Variants in SKI observed in about 807,000 individuals in gnomAD.
The protein encoded by SKI is SKI proto-oncogene, also known as ski oncogene.
SKI carries 23 observed loss-of-function variants against 59.3 expected under a neutral mutation model. That is an observed-to-expected ratio of 0.39 (90% CI 0.28 to 0.55). The LOEUF is 0.55. SKI is among the 20% of genes least tolerant of loss of function. The pLI, the probability that SKI is intolerant of heterozygous loss-of-function variation, is 0.67. For synonymous variants in SKI, 673 were observed against 488.6 expected, an observed-to-expected ratio of 1.38 and a Z score of -4.98; for missense variants, 1,017 against 1,038.9, an observed-to-expected ratio of 0.98 and a Z score of 0.29.
intron 1 of SKI, among the ~76,000 whole-genome samples, chr1:2,247,631 G>A (rs555631768): frequency 6.6e-6 from 1 of 152,220 alleles, no homozygotes; most frequent in East Asian, 1.9e-4. Flanking sequence ...CACCAGGCAA[G>A]AAGTATGTAC....
chr1:2,287,340 T>TTC (rs1640060154), intron 1 of SKI, among the ~76,000 whole-genome samples: 2 of 149,014 alleles, frequency 1.3e-5, no homozygotes, highest in African/African-American at 4.9e-5. Context: ...AATATCCAAT[T>TTC]TTTTTTTTTT....
rs537423092 is a variant in SKI, at chr1:2,268,771, C to A, written c.970-34207C>A. Among the ~76,000 whole-genome samples the A allele has an allele frequency of 7.2e-5, 11 of 152,302 alleles. No individual in the cohort carries two copies. The highest frequency in any genetic ancestry group is 2.6e-4 in the African/African-American group (11 of 41,566). ...GCCATGACAGGAGTGGGTGTGGGGA[C>A]TGGTGGGGACAGCGACTGTGCCTTC... On this transcript the variant is annotated intron_variant, in intron 1 of 6. Coordinates refer to ENST00000378536, the MANE Select transcript of SKI (RefSeq NM_003036.4). The surrounding 1 kb of genome is among the most constrained non-coding windows in gnomAD (Gnocchi z 5.0).
At chr1:2,276,207 C>A (rs1229013317) in intron 1 of SKI, among the ~76,000 whole-genome samples, 2 of 152,030 alleles carry the variant, frequency 1.3e-5, no homozygotes, top group South Asian at 2.1e-4. Flanking sequence ...CTCCCCACCC[C>A]CCGACCCCCA....
At chr1:2,261,950 G>A (rs908937215) in intron 1 of SKI, among the ~76,000 whole-genome samples, 1 of 111,842 alleles carries the variant, frequency 8.9e-6, no homozygotes, top group Admixed American at 1.1e-4. Flanking sequence ...CCTCGCTCCT[G>A]ATCTCCTGAT....
In SKI at chr1:2,306,088, G is replaced by A; in HGVS notation, c.1836G>A (p.Leu612=). 6.2e-7 allele frequency: 1 copy of A among 1,602,418 alleles called. No homozygotes were observed. Among genetic ancestry groups the A allele is most frequent in the Non-Finnish European group, 8.5e-7 (1 of 1,175,908 alleles). The part of the protein sequence containing the change: ...LREATEAKRN[L]RKEIERLRAE... ...AGGCCACGGAGGCCAAGCGTAACCT[G>A]CGGAAGGAGATCGAGCGTCTCCGCG... Residue 612 remains leucine, a synonymous_variant, in exon 6 of 7, where the codon CTG becomes CTA. Coordinates refer to ENST00000378536, the MANE Select transcript of SKI (RefSeq NM_003036.4).
chr1:2,282,226 C>T (rs867246026), intron 1 of SKI, among the ~76,000 whole-genome samples: 84 of 1,954 alleles, frequency 0.043, no homozygotes, highest in Admixed American at 0.054. Flanking sequence ...CAGGCGGTGG[C>T]GGAGATCTTC....
chr1:2,237,226 G>C (rs1638767378), intron 1 of SKI, among the ~76,000 whole-genome samples: 1 of 152,176 alleles, frequency 6.6e-6, no homozygotes, highest in Admixed American at 6.5e-5. Flanking sequence ...AGTGGGTGAG[G>C]GGTGGTGGGA....
At chr1:2,277,782 C>A (rs915081809) in intron 1 of SKI, among the ~76,000 whole-genome samples, 4 of 146,446 alleles carry the variant, frequency 2.7e-5, no homozygotes, top group Non-Finnish European at 3.0e-5. Flanking sequence ...CGTGCACACA[C>A]GTCAGCACCG....
intron 1 of SKI, among the ~76,000 whole-genome samples, chr1:2,231,523 G>C (rs1422648778): frequency 6.6e-6 from 1 of 152,212 alleles, no homozygotes; most frequent in Admixed American, 6.5e-5. Flanking sequence ...TGTGAGCGCC[G>C]GGGTCCTTGG....
chr1:2,277,652 G>A (rs947803097), intron 1 of SKI, among the ~76,000 whole-genome samples: 1 of 152,020 alleles, frequency 6.6e-6, no homozygotes, highest in Non-Finnish European at 1.5e-5. Context: ...CGTCAGCACT[G>A]TGGGCGCACA....
chr1:2,277,866 C>T (rs1329977430), intron 1 of SKI, among the ~76,000 whole-genome samples: 2 of 151,978 alleles, frequency 1.3e-5, no homozygotes, highest in Non-Finnish European at 2.9e-5. Flanking sequence ...CGTGCACACA[C>T]ACATCAGCAC....
intron 1 of SKI, among the ~76,000 whole-genome samples, chr1:2,245,998 G>A (rs1479126694): frequency 1.3e-5 from 2 of 151,580 alleles, no homozygotes; most frequent in African/African-American, 2.4e-5. Flanking sequence ...GTTTCGCCAC[G>A]TTGGCCAGGC....
In SKI at chr1:2,251,746, C is replaced by T. The variant is rs569703821; in HGVS notation, c.969+22011C>T. Among the ~76,000 whole-genome samples, 6 of 152,340 alleles carry T rather than the reference C, an allele frequency of 3.9e-5. 1 individual carries two copies. Among genetic ancestry groups the T allele is most frequent in the Admixed American group, 2.6e-4 (4 of 15,312 alleles). On this transcript the variant is annotated intron_variant, in intron 1 of 6. Coordinates refer to ENST00000378536, the MANE Select transcript of SKI (RefSeq NM_003036.4). The stretch of plus-strand genomic sequence containing the variant: ...TCTCAGCTGTGAAATTGTGTTTGTA[C>T]ACGGTGGCTTTTTCTAGAAAAATGA...
chr1:2,232,908 G>T (rs1243074030), intron 1 of SKI, among the ~76,000 whole-genome samples: 1 of 152,212 alleles, frequency 6.6e-6, no homozygotes, highest in East Asian at 1.9e-4. Context: ...GAGCCTCTGA[G>T]CCTTCCCCAC....
chr1:2,256,535 A>T (rs993451974), intron 1 of SKI, among the ~76,000 whole-genome samples: 1 of 151,982 alleles, frequency 6.6e-6, no homozygotes, highest in African/African-American at 2.4e-5. Context: ...CTGGTGAGGG[A>T]TTCTAGGGGT....
chr1:2,289,310 C>G (rs943746399), intron 1 of SKI, among the ~76,000 whole-genome samples: 13 of 152,296 alleles, frequency 8.5e-5, no homozygotes, highest in African/African-American at 2.6e-4. Flanking sequence ...TTGTCTTCAT[C>G]CCTCTTCGGT....
intron 1 of SKI, among the ~76,000 whole-genome samples, chr1:2,291,938 C>T (rs1333638917): frequency 6.6e-6 from 1 of 152,246 alleles, no homozygotes; most frequent in Non-Finnish European, 1.5e-5. Context: ...TCTGTTTCCT[C>T]TGTGCCACAA....
chr1:2,262,365 G>T (rs112780030), intron 1 of SKI, among the ~76,000 whole-genome samples: 1 of 149,222 alleles, frequency 6.7e-6, no homozygotes, highest in Non-Finnish European at 1.5e-5. Flanking sequence ...GTTTGGGTGG[G>T]AGTGGTGGGA....
At chr1:2,236,078 C>T (rs1002234922) in intron 1 of SKI, among the ~76,000 whole-genome samples, 8 of 152,176 alleles carry the variant, frequency 5.3e-5, no homozygotes, top group African/African-American at 1.9e-4. Flanking sequence ...TGCTCTGCCT[C>T]GGTGCCTCTG....
Sources: gnomAD v4.1 joint callset for allele counts (sites outside exome capture counted in the v4.1 genomes callset) on GRCh38, gnomAD v4.1.1 for gene constraint, Gnocchi (gnomAD v3.1) non-coding constraint, MANE v1.5 for transcripts, NCBI Gene and HGNC (gene_info 2026-07-23, HGNC 2026-07-21) for gene names.